RBMS3: variants seen among roughly 807,000 people sequenced by gnomAD.
RBMS3 encodes the protein RNA-binding motif, single-stranded-interacting protein 3.
Under a neutral mutation model 66.8 loss-of-function variants are expected in RBMS3, and 27 were observed. The observed-to-expected ratio is 0.40, with a 90% CI of 0.30 to 0.56. The LOEUF is 0.56. Ranked by LOEUF, RBMS3 falls within the 20% of genes least tolerant of loss-of-function variation. The probability of loss-of-function intolerance (pLI) is 0.40; values close to 1 mark genes in which losing one functional copy is unlikely to be tolerated. For missense variants in RBMS3, 513 were observed against 549.5 expected, an observed-to-expected ratio of 0.93 and a Z score of 0.66; for synonymous variants, 188 against 183.0, an observed-to-expected ratio of 1.03 and a Z score of -0.22.
chr3:29,748,429 A>G (rs1367209001), intron 5 of RBMS3, among the ~76,000 whole-genome samples: 1 of 151,364 alleles, frequency 6.6e-6, no homozygotes, highest in Non-Finnish European at 1.5e-5. Context: ...TGCCCTGGAT[A>G]TACAGTCCAA....
At chr3:29,609,057 T>A (rs2048404510) in intron 4 of RBMS3, among the ~76,000 whole-genome samples, 1 of 152,012 alleles carries the variant, frequency 6.6e-6, no homozygotes, top group South Asian at 2.1e-4. Context: ...ATTTCCAAAC[T>A]GTTGTGGACT....
At chr3:29,470,860 A>T (rs976305759) in intron 2 of RBMS3, among the ~76,000 whole-genome samples, 1 of 130,196 alleles carries the variant, frequency 7.7e-6, no homozygotes, top group African/African-American at 3.0e-5. Context: ...TAAATTTAAT[A>T]ACTAATAACT....
chr3:29,524,613 TTA>T (rs199532314), intron 3 of RBMS3, among the ~76,000 whole-genome samples: 12 of 146,542 alleles, frequency 8.2e-5, no homozygotes, highest in Admixed American at 1.4e-4. Flanking sequence ...TTTTATTTAT[TTA>T]TTTTTTTTAG....
intron 6 of RBMS3, among the ~76,000 whole-genome samples, chr3:29,819,389 A>T (rs1002319928): frequency 6.6e-6 from 1 of 152,188 alleles, no homozygotes; most frequent in African/African-American, 2.4e-5. Context: ...TTCCAAGAAA[A>T]CTTTATTTAC....
chr3:29,369,657 A>G (rs2038092760), intron 1 of RBMS3, among the ~76,000 whole-genome samples: 1 of 151,838 alleles, frequency 6.6e-6, no homozygotes, highest in East Asian at 2.0e-4. Flanking sequence ...GAGGGAATAT[A>G]GGAAAGACAG....
chr3:29,594,722 G>C (rs1048888473), intron 4 of RBMS3, among the ~76,000 whole-genome samples: 1 of 152,058 alleles, frequency 6.6e-6, no homozygotes, highest in Non-Finnish European at 1.5e-5. Context: ...ATTTGGCTCA[G>C]TTTTTTTCCT....
intron 3 of RBMS3, among the ~76,000 whole-genome samples, chr3:29,498,157 G>A (rs1030604881): frequency 8.6e-5 from 13 of 151,200 alleles, no homozygotes; most frequent in Admixed American, 5.3e-4. Context: ...ACCATGCCCA[G>A]CTCATTTTTG....
At chr3:29,700,901 A>C (rs1284559718) in intron 4 of RBMS3, among the ~76,000 whole-genome samples, 5 of 152,084 alleles carry the variant, frequency 3.3e-5, no homozygotes, top group Non-Finnish European at 7.4e-5. Context: ...TATACGTTGG[A>C]GATTGGACAT....
chr3:29,499,794 A>G (rs1168585702), intron 3 of RBMS3, among the ~76,000 whole-genome samples: 1 of 152,230 alleles, frequency 6.6e-6, no homozygotes, highest in Admixed American at 6.5e-5. Flanking sequence ...CTTAAGCTGC[A>G]GATATCACAG....
At chr3:29,996,373 A>C (rs955611301) in intron 14 of RBMS3, among the ~76,000 whole-genome samples, 11 of 149,078 alleles carry the variant, frequency 7.4e-5, no homozygotes, top group Non-Finnish European at 6.0e-5. Context: ...ACAGAAAGTC[A>C]ACAAGGATAC....
intron 12 of RBMS3, among the ~76,000 whole-genome samples, chr3:29,961,153 C>A (rs972314305): frequency 2.0e-5 from 3 of 152,122 alleles, no homozygotes; most frequent in Non-Finnish European, 4.4e-5. Context: ...TACCGTAAAT[C>A]ATCTCTCTTA....
intron 10 of RBMS3, among the ~76,000 whole-genome samples, chr3:29,902,288 A>C (rs2060273734): frequency 6.6e-6 from 1 of 151,922 alleles, no homozygotes; most frequent in Non-Finnish European, 1.5e-5. Context: ...AGAGCACTCA[A>C]TAAATTATTA....
At chr3:29,944,092 G>A (rs1577214742) in intron 11 of RBMS3, 115 bp from the exon 12 acceptor site, 1 of 825,534 alleles carries the variant, frequency 1.2e-6, no homozygotes, top group East Asian at 2.6e-5. Flanking sequence ...TCTAAGGCAG[G>A]GTGGGTCAGG....
chr3:29,846,864 C>T (rs1378653629), intron 6 of RBMS3, among the ~76,000 whole-genome samples: 1 of 152,154 alleles, frequency 6.6e-6, no homozygotes, highest in African/African-American at 2.4e-5. Flanking sequence ...GTTTGTATAG[C>T]TTCCTTGTTT....
chr3:29,782,080 AATCTCTTGGG>A (rs2056651879), intron 6 of RBMS3, among the ~76,000 whole-genome samples: 1 of 152,064 alleles, frequency 6.6e-6, no homozygotes, highest in Non-Finnish European at 1.5e-5. Flanking sequence ...CAAAGGTCAT[AATCTCTTGGG>A]ATCTCTATGG....
At chr3:29,919,879 C>T (rs1162049058) in intron 10 of RBMS3, among the ~76,000 whole-genome samples, 3 of 152,212 alleles carry the variant, frequency 2.0e-5, no homozygotes, top group Non-Finnish European at 4.4e-5. Flanking sequence ...ACATTGTTCA[C>T]ATAATCATCT....
At chr3:29,554,852 T>C (rs2046292638) in intron 3 of RBMS3, among the ~76,000 whole-genome samples, 1 of 152,130 alleles carries the variant, frequency 6.6e-6, no homozygotes, top group Admixed American at 6.5e-5. Flanking sequence ...CTCCATACTA[T>C]AAAGAGTTTC....
intron 4 of RBMS3, among the ~76,000 whole-genome samples, chr3:29,704,911 C>T (rs983911963): frequency 1.3e-5 from 2 of 152,182 alleles, no homozygotes; most frequent in Admixed American, 1.3e-4. Context: ...TTGGCCATTG[C>T]TTGGCAAGGG....
intron 1 of RBMS3, among the ~76,000 whole-genome samples, chr3:29,320,533 T>A (rs188117530): frequency 1.3e-5 from 2 of 152,122 alleles, no homozygotes; most frequent in East Asian, 3.9e-4. Context: ...ACATGACATA[T>A]GTAACTTAGA....
Sources: gnomAD v4.1 joint callset for allele counts (sites outside exome capture counted in the v4.1 genomes callset) on GRCh38, gnomAD v4.1.1 for gene constraint, MANE v1.5 for transcripts, NCBI Gene and HGNC (gene_info 2026-07-23, HGNC 2026-07-21) for gene names.